Variants in HMGB1 observed in about 807,000 individuals in gnomAD.
HMGB1 encodes the protein high mobility group protein B1.
For synonymous variants in HMGB1, 81 were observed against 84.0 expected (o/e 0.96, Z 0.19); for missense variants, 79 against 253.5 (o/e 0.31, Z 4.67).
intron 1 of HMGB1, chr13:30,464,256 G>A (rs1016189800): frequency 2.7e-5 from 27 of 985,440 alleles, no homozygotes; most frequent in Non-Finnish European, 3.3e-5. Context: ...CCCGGTTGGG[G>A]GGTGGCGGTG....
intron 1 of HMGB1, among the ~76,000 whole-genome samples, chr13:30,509,082 G>A (rs535784993): frequency 3.3e-5 from 5 of 152,108 alleles, no homozygotes; most frequent in Admixed American, 6.5e-5. Context: ...CCACAGGTGC[G>A]CCACCATGCC....
At chr13:30,555,486 A>T (rs1467094716) in intron 1 of HMGB1, among the ~76,000 whole-genome samples, 2 of 152,172 alleles carry the variant, frequency 1.3e-5, no homozygotes. Flanking sequence ...AGTCAAAAAA[A>T]TTTACTACTT....
chr13:30,464,910 G>A (rs1412155820), intron 1 of HMGB1, among the ~76,000 whole-genome samples: 5 of 140,902 alleles, frequency 3.5e-5, no homozygotes, highest in Admixed American at 2.8e-4. Flanking sequence ...GCGCGCGGCC[G>A]GGCCCTCCCC....
In HMGB1 at chr13:30,490,710, G is replaced by A. The variant is rs1325558699; in HGVS notation, c.-14-27016C>T. 2.0e-5 allele frequency among the ~76,000 whole-genome samples: 3 copies of A among 151,958 alleles called. No homozygotes were observed. The East Asian group carries it at 5.8e-4, about 29-fold the overall frequency. The stretch of plus-strand genomic sequence containing the variant: ...TGGTGGGAGGATCGCTTAAGCCCAA[G>A]AATTTGAGGCTGCAATGAGCTATGA... On this transcript the variant is annotated intron_variant, in intron 1 of 4. Transcript: ENST00000405805.
chr13:30,491,665 AAAAAAAAAG>A (rs1263330152), intron 1 of HMGB1, among the ~76,000 whole-genome samples: 4 of 151,582 alleles, frequency 2.6e-5, no homozygotes, highest in Admixed American at 1.3e-4. Context: ...TATCTCAAAA[AAAAAAAAAG>A]AAAAAAAAAG....
rs1441134212 is a variant in HMGB1 at position 30,459,664 on chromosome 13, G to A, written c.*1693C>T. The A allele has an allele frequency of 6.6e-6, 1 of 152,116 alleles. No homozygotes were observed. Among genetic ancestry groups the A allele is most frequent in the Non-Finnish European group, 1.5e-5 (1 of 67,988 alleles). The allele number at this position is 152,116 out of a possible 1,614,324, so 9.4% of individuals were successfully genotyped here. ...ATATATAGCACCGAATACTTGCAAT[G>A]TTTGACAAAACCTTTTATCAGCCCA... On this transcript the variant is annotated 3_prime_UTR_variant, in exon 5 of 5. Coordinates refer to ENST00000341423, the MANE Select transcript of HMGB1 (RefSeq NM_002128.7).
At chr13:30,541,496 G>A (rs1868883811) in intron 1 of HMGB1, 1 of 152,222 alleles carries the variant, frequency 6.6e-6, no homozygotes, top group African/African-American at 2.4e-5. Context: ...TCAAAAACTG[G>A]GCTACGCAGT....
At chr13:30,569,736 G>A (rs1046770185) in intron 1 of HMGB1, among the ~76,000 whole-genome samples, 20 of 152,162 alleles carry the variant, frequency 1.3e-4, no homozygotes, top group African/African-American at 4.3e-4. Flanking sequence ...GCGCTCTCAT[G>A]GATAAAGAGC....
At chr13:30,464,995 TCCGCGCGGG>T (rs1373521657) in intron 1 of HMGB1, 2 of 36,932 alleles carry the variant, frequency 5.4e-5, no homozygotes, top group African/African-American at 2.1e-4. Flanking sequence ...CCCGTCTCCC[TCCGCGCGGG>T]CCGCGCGCCC....
At chr13:30,471,761 C>G (rs563985435) in intron 1 of HMGB1, among the ~76,000 whole-genome samples, 2 of 144,304 alleles carry the variant, frequency 1.4e-5, no homozygotes, top group South Asian at 2.2e-4. Flanking sequence ...GTCCACCTCC[C>G]GGGTTCAAGC....
chr13:30,595,236 C>A (rs1233590436), intron 1 of HMGB1, among the ~76,000 whole-genome samples: 2 of 151,940 alleles, frequency 1.3e-5, no homozygotes, highest in Non-Finnish European at 2.9e-5. Context: ...AATCTAAATT[C>A]TTTTTAAATG....
intron 1 of HMGB1, among the ~76,000 whole-genome samples, chr13:30,494,168 A>T (rs1035415532): frequency 2.0e-5 from 3 of 152,086 alleles, no homozygotes; most frequent in Non-Finnish European, 4.4e-5. Flanking sequence ...CCTCTTGGTT[A>T]ATGTTCTCTT....
At chr13:30,616,136 CTGTACCAAAGTTCTTCCCTTTATAAGTCT>C (rs1950559279) in intron 1 of HMGB1, among the ~76,000 whole-genome samples, 1 of 152,214 alleles carries the variant, frequency 6.6e-6, no homozygotes, top group South Asian at 2.1e-4. Context: ...TGCTGATCTC[CTGTACCAAAGTTCTTCCCTTTATAAGTCT>C]TGTACTACCT....
chr13:30,560,614 G>A lies in HMGB1; in HGVS notation c.-15+56057C>T, dbSNP rs143645488. 2.8e-3 allele frequency among the ~76,000 whole-genome samples: 430 copies of A among 152,330 alleles called. 1 individual carries two copies. Among genetic ancestry groups the A allele is most frequent in the African/African-American group, 1.0e-2 (414 of 41,580 alleles). On this transcript the variant is annotated intron_variant, in intron 1 of 4. Transcript: ENST00000405805. ...CTTCAGACAAAGGCCGATATCAATA[G>A]AGAAGTTAAAACGCACGCCTCAAGA...
chr13:30,468,549 C>T (rs1311134450), upstream of HMGB1, among the ~76,000 whole-genome samples: 5 of 152,098 alleles, frequency 3.3e-5, no homozygotes, highest in Admixed American at 2.0e-4. Context: ...CCACTGCACC[C>T]GGCCTTGTTT....
chr13:30,501,158 C>G (rs1341145437), intron 1 of HMGB1, among the ~76,000 whole-genome samples: 2 of 152,198 alleles, frequency 1.3e-5, no homozygotes, highest in East Asian at 3.9e-4. Flanking sequence ...CCCTGAAGAG[C>G]CACAGGTTAA....
At chr13:30,520,634 T>A (rs1226330075) in intron 1 of HMGB1, among the ~76,000 whole-genome samples, 1 of 151,954 alleles carries the variant, frequency 6.6e-6, no homozygotes, top group Non-Finnish European at 1.5e-5. Flanking sequence ...AATAAATAAA[T>A]AAAATAAAAT....
chr13:30,530,473 A>G (rs1173025193), intron 1 of HMGB1, among the ~76,000 whole-genome samples: 4 of 152,258 alleles, frequency 2.6e-5, no homozygotes, highest in Non-Finnish European at 5.9e-5. Flanking sequence ...TCAGTGCAAC[A>G]TGATAACAAT....
chr13:30,518,309 C>T (rs890658523), intron 1 of HMGB1, among the ~76,000 whole-genome samples: 4 of 152,218 alleles, frequency 2.6e-5, no homozygotes, highest in African/African-American at 9.6e-5. Flanking sequence ...TGTACTCCAG[C>T]CTGGACAACA....
Sources: allele counts gnomAD v4.1 joint callset (sites outside exome capture counted in the v4.1 genomes callset), GRCh38; gene constraint gnomAD v4.1.1; transcripts MANE v1.5; gene names NCBI Gene and HGNC (gene_info 2026-07-23, HGNC 2026-07-21).